VANGL1: variants seen among roughly 807,000 people sequenced by gnomAD.
VANGL1 encodes the protein VANGL planar cell polarity protein 1, also known as vang-like protein 1.
Under a neutral mutation model 48.4 loss-of-function variants are expected in VANGL1, and 18 were observed. The ratio of observed to expected loss-of-function variants is 0.37; its 90% CI spans 0.26 to 0.55. VANGL1 has a LOEUF of 0.55. VANGL1 is among the 20% of genes least tolerant of loss of function. The pLI, the probability that VANGL1 is intolerant of heterozygous loss-of-function variation, is 0.81. For synonymous variants in VANGL1, 257 were observed against 261.8 expected (o/e 0.98, Z 0.18); for missense variants, 667 against 675.8 (o/e 0.99, Z 0.14).
At chr1:115,658,884 G>A (rs888043467) in intron 2 of VANGL1, among the ~76,000 whole-genome samples, 6 of 152,094 alleles carry the variant, frequency 3.9e-5, no homozygotes, top group African/African-American at 1.4e-4. Context: ...GGAAGTTCCT[G>A]TGGGGTAAAA....
chr1:115,651,397 G>T lies in VANGL1; in HGVS notation c.-17G>T, dbSNP rs764348621. The T allele has an allele frequency of 9.9e-6, 16 of 1,612,748 alleles. No homozygotes were observed. The highest frequency in any genetic ancestry group is 1.3e-5 in the Non-Finnish European group (15 of 1,179,296). On this transcript the variant is annotated 5_prime_UTR_variant, in exon 2 of 8. Coordinates refer to ENST00000355485, the MANE Select transcript of VANGL1 (RefSeq NM_138959.3). ...AACAGTACCTGCTCCTTCCTCAAGC[G>T]CAAGCCCTCCATTGCTATGGATACC...
chr1:115,657,339 A>G (rs1318002075), intron 2 of VANGL1, among the ~76,000 whole-genome samples: 1 of 152,182 alleles, frequency 6.6e-6, no homozygotes, highest in African/African-American at 2.4e-5. Flanking sequence ...GGTGCACCAT[A>G]GTAGGTGTGA....
Position 115,687,597 on chromosome 1 carries a change from A to G in VANGL1, c.1314+2070A>G, listed in dbSNP as rs1002264468. ...AAGTTTTCAGCCCCTGCCCCAAAACAGTTTTTACCGATAAGGAGTTGGTAT... is the reference window on the plus strand; with the variant it reads ...AAGTTTTCAGCCCCTGCCCCAAAACGGTTTTTACCGATAAGGAGTTGGTAT... On this transcript the variant is annotated intron_variant, in intron 7 of 7. Transcript: ENST00000355485. 1.4e-5 allele frequency among the ~76,000 whole-genome samples: 2 copies of G among 138,070 alleles called. 1 individual carries two copies. The highest frequency in any genetic ancestry group is 1.5e-4 in the Admixed American group (2 of 13,382). The allele number at this position is 138,070 out of a possible 152,430, so 90.6% of individuals were successfully genotyped here. A position where few individuals can be genotyped will look rare whatever the true frequency, so the allele number is the denominator to read the frequency against.
intron 4 of VANGL1, among the ~76,000 whole-genome samples, chr1:115,666,597 C>A (rs1018266009): frequency 6.6e-6 from 1 of 152,152 alleles, no homozygotes; most frequent in African/African-American, 2.4e-5. Flanking sequence ...AGTCAGTCAC[C>A]CCAGCTCCCC....
At chr1:115,650,655 A>G (rs1019215719) in intron 1 of VANGL1, among the ~76,000 whole-genome samples, 1 of 152,008 alleles carries the variant, frequency 6.6e-6, no homozygotes, top group Non-Finnish European at 1.5e-5. Context: ...AACATATGTG[A>G]TACTTTTCTG....
chr1:115,669,633 CTGTAAGATGT>C (rs71778215), intron 4 of VANGL1, among the ~76,000 whole-genome samples: 52,834 of 151,824 alleles, frequency 0.35, 9,654 homozygotes, highest in Admixed American at 0.42. Context: ...TCTTCGTTGT[CTGTAAGATGT>C]GCCATGTAAG....
intron 4 of VANGL1, among the ~76,000 whole-genome samples, chr1:115,673,012 C>T (rs1018645753): frequency 3.3e-5 from 5 of 152,220 alleles, no homozygotes; most frequent in African/African-American, 1.2e-4. Flanking sequence ...TCAGCTATTG[C>T]ACCCTAGCTG....
intron 7 of VANGL1, among the ~76,000 whole-genome samples, chr1:115,688,527 C>G (rs144812439): frequency 7.2e-6 from 1 of 138,542 alleles, no homozygotes; most frequent in South Asian, 2.4e-4. Context: ...CTGGTTTAAA[C>G]AGCATTGTGG....
Position 115,681,503 on chromosome 1 carries a change from G to GTTGTTTTTTTTTTTTT in VANGL1, c.813-859_813-858insGTTTTTTTTTTTTTTT, listed in dbSNP as rs1553189431. On this transcript the variant is annotated intron_variant, in intron 4 of 7. Transcript: ENST00000355485. ...CAGCGGAGGCTCTCTTTTTTTTGTT[G>GTTGTTTTTTTTTTTTT]TTTTTTTTGTTTTTTTTTTTGAGAC... Among the ~76,000 whole-genome samples, 2 of 114,880 alleles carry GTTGTTTTTTTTTTTTT rather than the reference G, an allele frequency of 1.7e-5. 1 individual carries two copies. 75.4% of individuals were successfully genotyped at this position (114,880 alleles called of 152,430 possible). A position where few individuals can be genotyped will look rare whatever the true frequency, so the allele number is the denominator to read the frequency against.
At position 115,695,293 on chromosome 1, in the gene VANGL1, T is replaced by G. The variant is rs1396418857; in HGVS notation, c.*3914T>G. The G allele has an allele frequency of 1.3e-5, 2 of 152,676 alleles. No individual in the cohort carries two copies. Among genetic ancestry groups the G allele is most frequent in the Non-Finnish European group, 2.9e-5 (2 of 68,036 alleles). 9.5% of individuals were successfully genotyped at this position (152,676 alleles called of 1,614,324 possible). ...CAGTAGCACAGAAATGTTAGCATAT[T>G]TATTTAAATAGTCCTGCAGCAGAGA... On this transcript the variant is annotated 3_prime_UTR_variant, in exon 8 of 8. Transcript: ENST00000355485.
chr1:115,682,601 T>A (rs1653435404), intron 5 of VANGL1, 104 bp downstream of exon 5: 9 of 1,533,020 alleles, frequency 5.9e-6, no homozygotes, highest in Non-Finnish European at 4.5e-6. Flanking sequence ...GGGCCTACCT[T>A]TATGGTACAT....
intron 7 of VANGL1, among the ~76,000 whole-genome samples, chr1:115,690,893 TG>T (rs1653804497): frequency 6.6e-6 from 1 of 152,014 alleles, no homozygotes; most frequent in African/African-American, 2.4e-5. Flanking sequence ...TTGCGCTTGG[TG>T]GATAGTAGGT....
At chr1:115,671,850 G>A (rs780148987) in intron 4 of VANGL1, among the ~76,000 whole-genome samples, 9 of 152,170 alleles carry the variant, frequency 5.9e-5, no homozygotes, top group Non-Finnish European at 1.0e-4. Context: ...TGCCAGCATC[G>A]CTGTGCTGTG....
intron 4 of VANGL1, among the ~76,000 whole-genome samples, chr1:115,666,528 G>A (rs561168831): frequency 5.9e-5 from 9 of 152,312 alleles, no homozygotes; most frequent in African/African-American, 2.2e-4. Context: ...CAGGCTTGCT[G>A]CAAACCTTTC....
chr1:115,683,825 G>A, intron 5 of VANGL1, 119 bp from the exon 6 acceptor site: 1 of 1,118,802 alleles, frequency 8.9e-7, no homozygotes, highest in Non-Finnish European at 1.3e-6. Flanking sequence ...TTTAGGATTT[G>A]TGTGTGTGTG....
chr1:115,672,951 T>C (rs1375690127), intron 4 of VANGL1, among the ~76,000 whole-genome samples: 4 of 152,204 alleles, frequency 2.6e-5, no homozygotes, highest in African/African-American at 4.8e-5. Flanking sequence ...CAGGTAGATT[T>C]AGCTCTTACG....
rs144489409 is a variant in VANGL1, at chr1:115,696,110, C to G, written c.*4731C>G. On this transcript the variant is annotated 3_prime_UTR_variant, in exon 8 of 8. Transcript: ENST00000355485. ...GGGATGCTGTTGTTCTGGCAGCCCC[C>G]CTTTGCTTTTGCCTGGCCCCACCTT... The G allele has an allele frequency of 2.0e-5, 3 of 152,526 alleles. No homozygotes were observed. The highest frequency in any genetic ancestry group is 2.9e-5 in the Non-Finnish European group (2 of 68,282). The allele number at this position is 152,526 out of a possible 1,614,324, so 9.4% of individuals were successfully genotyped here. A position where few individuals can be genotyped will look rare whatever the true frequency, so the allele number is the denominator to read the frequency against.
intron 4 of VANGL1, among the ~76,000 whole-genome samples, chr1:115,681,523 T>TTTTTA (rs1653392494): frequency 6.7e-6 from 1 of 150,076 alleles, no homozygotes; most frequent in African/African-American, 2.5e-5. Context: ...TTTTTTTTTT[T>TTTTTA]GAGACTGAAT....
intron 1 of VANGL1, among the ~76,000 whole-genome samples, chr1:115,643,170 CACTT>C (rs1570730828): frequency 6.6e-6 from 1 of 152,206 alleles, no homozygotes; most frequent in East Asian, 1.9e-4. Flanking sequence ...TATTCTTAGA[CACTT>C]AGTCCAAAAG....
Sources: gnomAD v4.1 joint callset for allele counts (sites outside exome capture counted in the v4.1 genomes callset) on GRCh38, gnomAD v4.1.1 for gene constraint, MANE v1.5 for transcripts, NCBI Gene and HGNC (gene_info 2026-07-23, HGNC 2026-07-21) for gene names.